MTRF1: variants seen among roughly 807,000 people sequenced by gnomAD.
MTRF1 encodes peptide chain release factor 1, mitochondrial.
MTRF1 carries 51 observed loss-of-function variants against 62.9 expected under a neutral mutation model. The observed-to-expected ratio is 0.81, with a 90% CI of 0.65 to 1.02. The LOEUF is 1.02. Ranked by LOEUF, MTRF1 falls within the 50% of genes least tolerant of loss-of-function variation. The probability of loss-of-function intolerance (pLI) is 0.00; values close to 1 mark genes in which losing one functional copy is unlikely to be tolerated. For synonymous variants in MTRF1, 158 were observed against 181.9 expected (o/e 0.87, Z 1.06); for missense variants, 446 against 530.0 (o/e 0.84, Z 1.56).
At chr13:41,266,984 G>A (rs1421664225), upstream of MTRF1, among the ~76,000 whole-genome samples, 4 of 131,940 alleles carry the variant, frequency 3.0e-5, no homozygotes, top group African/African-American at 8.7e-5. Flanking sequence ...CCAACAGAGC[G>A]AGACTCTGTC....
chr13:41,227,236 G>C (rs1047869752), intron 7 of MTRF1, among the ~76,000 whole-genome samples: 1 of 151,400 alleles, frequency 6.6e-6, no homozygotes, highest in Non-Finnish European at 1.5e-5. Flanking sequence ...GCAGTCAGCC[G>C]AGATTATGCC....
chr13:41,264,100 A>G (rs2040752029), upstream of MTRF1, among the ~76,000 whole-genome samples: 1 of 152,206 alleles, frequency 6.6e-6, no homozygotes, highest in African/African-American at 2.4e-5. Flanking sequence ...TAAAAAAAAT[A>G]AAGACTCCTT....
chr13:41,266,580 G>C (rs752803570), upstream of MTRF1, among the ~76,000 whole-genome samples: 6 of 152,144 alleles, frequency 3.9e-5, no homozygotes, highest in Non-Finnish European at 7.4e-5. Flanking sequence ...CCTCACCCCA[G>C]CCTGGGTGAC....
intron 5 of MTRF1, 116 bp downstream of exon 5, chr13:41,252,529 T>A: frequency 1.4e-6 from 1 of 694,972 alleles, no homozygotes. Flanking sequence ...TGCCACAGTG[T>A]TTAGTAGATA....
the MTRF1 span, among the ~76,000 whole-genome samples, chr13:41,278,190 A>G: frequency 6.0e-4 from 92 of 152,360 alleles, no homozygotes; most frequent in African/African-American, 2.0e-3. Flanking sequence ...ATTTCCCTCA[A>G]GGTATAACTC....
At chr13:41,244,168 G>C (rs1277606119) in intron 5 of MTRF1, among the ~76,000 whole-genome samples, 1 of 152,142 alleles carries the variant, frequency 6.6e-6, no homozygotes, top group African/African-American at 2.4e-5. Context: ...ATAACAAATT[G>C]TTCCCTTCAC....
chr13:41,222,310 G>T lies in MTRF1; in HGVS notation c.1224+946C>A, dbSNP rs187055655. ...TATGTCAGTGGTCTTTGCTGGATGC[G>T]ATTTAGATAGGTTAATGTTCAAACA... On this transcript the variant is annotated intron_variant, in intron 9 of 9. Transcript: ENST00000379480. Among the ~76,000 whole-genome samples the T allele has an allele frequency of 2.0e-5, 3 of 152,238 alleles. No homozygotes were observed. In the East Asian group the frequency reaches 5.8e-4, roughly 29 times the overall value.
chr13:41,257,878 A>G lies in MTRF1; in HGVS notation c.415+2615T>C, dbSNP rs1386758768. The G allele has an allele frequency of 8.5e-6, 3 of 350,904 alleles. No homozygotes were observed. In the East Asian group the frequency reaches 2.3e-4, roughly 27 times the overall value. The allele number at this position is 350,904 out of a possible 1,614,324, so 21.7% of individuals were successfully genotyped here. A position where few individuals can be genotyped will look rare whatever the true frequency, so the allele number is the denominator to read the frequency against. ...TACCTGAGCATTCAAATGAGATAAT[A>G]TTTGTAAAGCACTGAGCTTAGTGCC... On this transcript the variant is annotated intron_variant, in intron 2 of 9. Coordinates refer to ENST00000379480, the MANE Select transcript of MTRF1 (RefSeq NM_004294.4).
At chr13:41,256,451 C>T (rs889224073) in intron 2 of MTRF1, among the ~76,000 whole-genome samples, 7 of 151,830 alleles carry the variant, frequency 4.6e-5, no homozygotes, top group Non-Finnish European at 2.9e-5. Context: ...CTCAGCCTCC[C>T]GAGTAGTTGA....
At chr13:41,263,213 G>C in intron 1 of MTRF1, 2 of 1,230,710 alleles carry the variant, frequency 1.6e-6, no homozygotes, top group Non-Finnish European at 2.1e-6. Flanking sequence ...TCAAGGTCAT[G>C]AATCTCAACA....
chr13:41,236,981 G>T (rs2138901651), intron 6 of MTRF1, among the ~76,000 whole-genome samples: 1 of 152,254 alleles, frequency 6.6e-6, no homozygotes, highest in Admixed American at 6.5e-5. Flanking sequence ...ACTTCGGGTG[G>T]CCAAGGCAGG....
chr13:41,227,138 TTAGCCAGGCGTGGTGGCATGTGCCTG>T (rs1365697386), intron 7 of MTRF1, among the ~76,000 whole-genome samples: 1 of 151,774 alleles, frequency 6.6e-6, no homozygotes, highest in African/African-American at 2.4e-5. Flanking sequence ...ATACAAAAAA[TTAGCCAGGCGTGGTGGCATGTGCCTG>T]TAGTCCCAGC....
rs1358764842 is a variant in MTRF1 at position 41,252,689 on chromosome 13, T to C, written c.653A>G (p.Lys218Arg). 3 of 1,613,640 alleles carry C rather than the reference T, an allele frequency of 1.9e-6. No homozygotes were observed. In the Admixed American group the frequency reaches 5.0e-5, roughly 27 times the overall value. ...FDMYQNYSCY[K>R]HWQFELLNYT... ...ATTCAGAAGTTCAAATTGCCAGTGT[T>C]TATAGCACGAATAATTCTGGTACAT... The change falls in exon 5 of 10, where the codon AAA (lysine) becomes AGA (arginine). Residue 218 changes from lysine to arginine, a missense_variant. Coordinates refer to ENST00000379480, the MANE Select transcript of MTRF1 (RefSeq NM_004294.4).
chr13:41,240,119 C>T, intron 6 of MTRF1, 142 bp downstream of exon 6: 1 of 725,738 alleles, frequency 1.4e-6, no homozygotes, highest in Non-Finnish European at 2.1e-6. Context: ...GCAGAGATCG[C>T]GCCACTGTAC....
chr13:41,260,451 T>C (rs769762326), intron 2 of MTRF1, 42 bp downstream of exon 2: 2 of 1,526,486 alleles, frequency 1.3e-6, no homozygotes, highest in South Asian at 1.3e-5. Flanking sequence ...GGTTTTTTTT[T>C]TCATAGCCCT....
At chr13:41,258,676 T>G (rs2040037931) in intron 2 of MTRF1, among the ~76,000 whole-genome samples, 1 of 152,010 alleles carries the variant, frequency 6.6e-6, no homozygotes, top group Non-Finnish European at 1.5e-5. Context: ...TACGTCAGTC[T>G]TGTAAGAAAA....
chr13:41,303,216 G>T, the MTRF1 span, among the ~76,000 whole-genome samples: 4 of 152,052 alleles, frequency 2.6e-5, no homozygotes, highest in Non-Finnish European at 5.9e-5. Flanking sequence ...TTTGATGGAA[G>T]ATAATACATT....
intron 6 of MTRF1, among the ~76,000 whole-genome samples, chr13:41,238,415 T>C (rs1218032613): frequency 6.6e-6 from 1 of 152,216 alleles, no homozygotes; most frequent in East Asian, 1.9e-4. Flanking sequence ...ATGAGGTTAA[T>C]ACGTGAAACT....
the MTRF1 span, chr13:41,311,711 G>T: frequency 1.2e-6 from 1 of 850,742 alleles, no homozygotes. Context: ...TGTTTACCTC[G>T]GAGGTCGCGG....
Sources: gnomAD v4.1 joint callset for allele counts (sites outside exome capture counted in the v4.1 genomes callset) on GRCh38, gnomAD v4.1.1 for gene constraint, MANE v1.5 for transcripts, NCBI Gene and HGNC (gene_info 2026-07-23, HGNC 2026-07-21) for gene names.